KCNT2: variants seen among roughly 807,000 people sequenced by gnomAD.
KCNT2 encodes potassium sodium-activated channel subfamily T member 2, also known as potassium channel subfamily T member 2.
Under a neutral mutation model 153.8 loss-of-function variants are expected in KCNT2, and 67 were observed. The ratio of observed to expected loss-of-function variants is 0.44; its 90% CI spans 0.36 to 0.53. The LOEUF (loss-of-function observed/expected upper bound fraction) is 0.53. Among genes scored for constraint, KCNT2 ranks in the 20% least tolerant of loss-of-function variants. KCNT2 has a pLI of 0.00. For missense variants in KCNT2, 975 were observed against 1,354.8 expected (o/e 0.72, Z 4.40); for synonymous variants, 500 against 458.8 (o/e 1.09, Z -1.15).
At chr1:196,569,796 T>A (rs912304616) in intron 1 of KCNT2, among the ~76,000 whole-genome samples, 7 of 152,076 alleles carry the variant, frequency 4.6e-5, no homozygotes, top group African/African-American at 1.7e-4. Context: ...GCAACTGGGG[T>A]TTATGTTCGC....
chr1:196,279,373 A>T (rs190036492), intron 25 of KCNT2, among the ~76,000 whole-genome samples: 1 of 152,190 alleles, frequency 6.6e-6, no homozygotes, highest in Non-Finnish European at 1.5e-5. Flanking sequence ...ACAGGAAAAG[A>T]AAAACTCAGA....
At chr1:196,575,186 C>T (rs1431407482) in intron 1 of KCNT2, among the ~76,000 whole-genome samples, 3 of 152,134 alleles carry the variant, frequency 2.0e-5, no homozygotes, top group African/African-American at 7.2e-5. Flanking sequence ...ATTGTTTTAA[C>T]TCCCTAACAA....
At chr1:196,474,887 A>T (rs1678395798) in intron 5 of KCNT2, among the ~76,000 whole-genome samples, 1 of 152,230 alleles carries the variant, frequency 6.6e-6, no homozygotes, top group Non-Finnish European at 1.5e-5. Flanking sequence ...GTATGACAGA[A>T]GACAAAATAA....
At chr1:196,490,620 A>G (rs2148729018) in intron 2 of KCNT2, among the ~76,000 whole-genome samples, 1 of 151,560 alleles carries the variant, frequency 6.6e-6, no homozygotes, top group East Asian at 1.9e-4. Flanking sequence ...TCTATTTTTA[A>G]CTATTTAAAA....
At chr1:196,392,346 T>TA (rs991293895) in intron 13 of KCNT2, among the ~76,000 whole-genome samples, 5 of 150,744 alleles carry the variant, frequency 3.3e-5, no homozygotes, top group Non-Finnish European at 5.9e-5. Flanking sequence ...TCCACGATAA[T>TA]AAAAAAAATC....
At chr1:196,554,025 C>T (rs889263263) in intron 1 of KCNT2, among the ~76,000 whole-genome samples, 3 of 150,592 alleles carry the variant, frequency 2.0e-5, no homozygotes, top group African/African-American at 7.3e-5. Flanking sequence ...CTTCAAGAAA[C>T]GTTAGAAATA....
At chr1:196,232,888 A>G (rs991823955) in intron 27 of KCNT2, among the ~76,000 whole-genome samples, 4 of 151,432 alleles carry the variant, frequency 2.6e-5, no homozygotes, top group Admixed American at 6.6e-5. Flanking sequence ...AATTTATTAT[A>G]AAATACAAAT....
chr1:196,432,189 C>G (rs949517116), intron 8 of KCNT2, among the ~76,000 whole-genome samples: 3 of 152,084 alleles, frequency 2.0e-5, no homozygotes, highest in Non-Finnish European at 4.4e-5. Context: ...CCATGTGGTG[C>G]CAATTTTGCA....
chr1:196,589,939 C>T (rs925201310), intron 1 of KCNT2, among the ~76,000 whole-genome samples: 6 of 151,876 alleles, frequency 4.0e-5, no homozygotes, highest in African/African-American at 1.5e-4. Context: ...TTTTTCATTC[C>T]AACACCAGAG....
chr1:196,596,056 GTATATATA>G (rs1174131733), intron 1 of KCNT2, among the ~76,000 whole-genome samples: 22 of 4,350 alleles, frequency 5.1e-3, no homozygotes, highest in African/African-American at 5.9e-3. Context: ...TCCATGATGT[GTATATATA>G]TATATATATA....
At chr1:196,260,404 T>C (rs1373637436) in intron 25 of KCNT2, among the ~76,000 whole-genome samples, 2 of 151,860 alleles carry the variant, frequency 1.3e-5, no homozygotes, top group Admixed American at 6.6e-5. Flanking sequence ...ATGTAAAGTA[T>C]ACATCTACAA....
intron 1 of KCNT2, among the ~76,000 whole-genome samples, chr1:196,591,868 G>GA (rs2149003012): frequency 6.6e-6 from 1 of 152,220 alleles, no homozygotes; most frequent in South Asian, 2.1e-4. Flanking sequence ...TATGTTGTAG[G>GA]AAAAATGGAA....
At chr1:196,390,694 C>T (rs555035392) in intron 13 of KCNT2, among the ~76,000 whole-genome samples, 13 of 136,684 alleles carry the variant, frequency 9.5e-5, no homozygotes, top group East Asian at 9.1e-4. Context: ...ACTACTTCTC[C>T]AAAAAAATCT....
At chr1:196,454,445 C>G (rs960056020) in intron 8 of KCNT2, among the ~76,000 whole-genome samples, 3 of 151,910 alleles carry the variant, frequency 2.0e-5, no homozygotes, top group Non-Finnish European at 4.4e-5. Flanking sequence ...TTACCTCTCA[C>G]TTACAAGTGA....
chr1:196,591,196 G>A (rs909888341), intron 1 of KCNT2, among the ~76,000 whole-genome samples: 7 of 152,114 alleles, frequency 4.6e-5, no homozygotes, highest in African/African-American at 1.7e-4. Flanking sequence ...GTTCACAAGA[G>A]AGTTGGTTGT....
chr1:196,353,452 C>T (rs1666919202), intron 14 of KCNT2, among the ~76,000 whole-genome samples: 1 of 151,806 alleles, frequency 6.6e-6, no homozygotes, highest in Non-Finnish European at 1.5e-5. Flanking sequence ...ATCACCAAAC[C>T]TGGGGCAACA....
At chr1:196,286,325 A>G (rs1041627551) in intron 22 of KCNT2, among the ~76,000 whole-genome samples, 7 of 151,798 alleles carry the variant, frequency 4.6e-5, no homozygotes, top group African/African-American at 1.5e-4. Flanking sequence ...AAAAAGAGAA[A>G]CTCTTTGCCC....
intron 1 of KCNT2, among the ~76,000 whole-genome samples, chr1:196,599,986 T>C (rs1481031239): frequency 6.6e-6 from 1 of 152,174 alleles, no homozygotes; most frequent in African/African-American, 2.4e-5. Context: ...AACTAATTTA[T>C]TTCATTTACG....
chr1:196,492,851 A>G (rs1385341479), intron 1 of KCNT2, among the ~76,000 whole-genome samples: 1 of 152,140 alleles, frequency 6.6e-6, no homozygotes. Context: ...CCTATAGCCT[A>G]TTTAGGACAC....
Sources: allele counts gnomAD v4.1 joint callset (sites outside exome capture counted in the v4.1 genomes callset), GRCh38; gene constraint gnomAD v4.1.1; transcripts MANE v1.5; gene names NCBI Gene and HGNC (gene_info 2026-07-23, HGNC 2026-07-21).